The following PARP11 variants were observed in gnomAD, a reference collection of about 807,000 sequenced individuals.
The protein encoded by PARP11 is poly(ADP-ribose) polymerase family member 11.
A neutral mutation model predicts 42.9 loss-of-function variants in PARP11; 31 were observed. That is an observed-to-expected ratio of 0.72 (90% confidence interval 0.54 to 0.98). The LOEUF is 0.98. PARP11 is among the 50% of genes least tolerant of loss of function. The pLI, the probability that PARP11 is intolerant of heterozygous loss-of-function variation, is 0.00. For synonymous variants in PARP11, 137 were observed against 127.3 expected (o/e 1.08, Z -0.51); for missense variants, 365 against 413.1 (o/e 0.88, Z 1.01).
intron 3 of PARP11, among the ~76,000 whole-genome samples, chr12:3,828,036 A>AT (rs1947562373): frequency 6.6e-6 from 1 of 152,252 alleles, no homozygotes; most frequent in Non-Finnish European, 1.5e-5. Context: ...ACATGCCCAT[A>AT]TAACACAGAT....
chr12:3,819,847 T>C (rs1453753182), intron 6 of PARP11, among the ~76,000 whole-genome samples: 27 of 152,216 alleles, frequency 1.8e-4, no homozygotes, highest in Non-Finnish European at 2.9e-5. Flanking sequence ...CTCTGCCTCT[T>C]GATACCATTC....
intron 2 of PARP11, among the ~76,000 whole-genome samples, chr12:3,829,359 T>C (rs1947591676): frequency 6.6e-6 from 1 of 152,232 alleles, no homozygotes; most frequent in Non-Finnish European, 1.5e-5. Flanking sequence ...ATCTTCTTTA[T>C]ATAGTTTAGT....
chr12:3,822,141 C>G lies in PARP11; in HGVS notation c.361G>C (p.Glu121Gln). 1 of 1,613,560 alleles carries G rather than the reference C, an allele frequency of 6.2e-7. No individual in the cohort carries two copies. The highest frequency in any genetic ancestry group is 8.5e-7 in the Non-Finnish European group (1 of 1,179,598). Reference sequence around the variant, plus strand: ...CAGTGTGGTGGCATAGGGATGGCCTCGTTTTCACAGATGTAACTTGAAACA... The same window carrying G: ...CAGTGTGGTGGCATAGGGATGGCCTGGTTTTCACAGATGTAACTTGAAACA... ...ISAFSYICEN[E>Q]AIPMPPHWEN... The change falls in exon 5 of 8, where the codon GAG (glutamate) becomes CAG (glutamine). Residue 121 changes from glutamate to glutamine, a missense_variant. Transcript: ENST00000228820.
chr12:3,844,742 T>A (rs2138080727), intron 1 of PARP11, among the ~76,000 whole-genome samples: 1 of 152,334 alleles, frequency 6.6e-6, no homozygotes, highest in South Asian at 2.1e-4. Flanking sequence ...TGAAAGAGAA[T>A]TTTAGCAGAT....
rs1256132624 is a variant in PARP11 at position 3,809,965 on chromosome 12, T to A, written c.*2158A>T. The A allele has an allele frequency of 2.0e-5, 3 of 152,238 alleles. No homozygotes were observed. The highest frequency in any genetic ancestry group is 7.2e-5 in the African/African-American group (3 of 41,470). 9.4% of individuals were successfully genotyped at this position (152,238 alleles called of 1,614,324 possible). A position where few individuals can be genotyped will look rare whatever the true frequency, so the allele number is the denominator to read the frequency against. Reference sequence around the variant, plus strand: ...TTGTTTCAAAGTATTGTACATGCAATGTCCTGGGTACTACTTACCTCCCAC... The same window carrying A: ...TTGTTTCAAAGTATTGTACATGCAAAGTCCTGGGTACTACTTACCTCCCAC... On this transcript the variant is annotated 3_prime_UTR_variant, in exon 8 of 8. Transcript: ENST00000228820.
At chr12:3,828,126 C>T (rs1043080277) in intron 3 of PARP11, among the ~76,000 whole-genome samples, 6 of 152,138 alleles carry the variant, frequency 3.9e-5, no homozygotes, top group Non-Finnish European at 7.4e-5. Flanking sequence ...TGACAGAAGG[C>T]AATGTCCATT....
chr12:3,829,990 A>C lies in PARP11; in HGVS notation c.47T>G (p.Phe16Cys). 1 of 1,613,892 alleles carries C rather than the reference A, an allele frequency of 6.2e-7. No homozygotes were observed. The highest frequency in any genetic ancestry group is 2.2e-5 in the East Asian group (1 of 44,874). The stretch of plus-strand genomic sequence containing the variant: ...CACTTCATTGTTTGTTGTTTTAGAA[A>C]ATAATTCTTCTGCTTTGTGAAACAT... ...PEMFHKAEEL[F>C]SKTTNNEVDD... Residue 16 changes from phenylalanine to cysteine, a missense_variant, in exon 2 of 8, where the codon TTT becomes TGT. Phe to Cys is a radical substitution (Grantham distance 205). Coordinates refer to ENST00000228820, the MANE Select transcript of PARP11 (RefSeq NM_020367.6).
chr12:3,869,406 A>G (rs1948438823), intron 1 of PARP11, among the ~76,000 whole-genome samples: 1 of 152,212 alleles, frequency 6.6e-6, no homozygotes, highest in African/African-American at 2.4e-5. Context: ...CACTCCTCTA[A>G]GGATAAAGTT....
At chr12:3,860,673 TTTTAGA>T (rs954995311) in intron 1 of PARP11, among the ~76,000 whole-genome samples, 1 of 152,190 alleles carries the variant, frequency 6.6e-6, no homozygotes, top group African/African-American at 2.4e-5. Flanking sequence ...TTTTTAATTT[TTTTAGA>T]GACAGGGTCT....
intron 1 of PARP11, among the ~76,000 whole-genome samples, chr12:3,864,763 A>G (rs1368142195): frequency 6.6e-6 from 1 of 152,066 alleles, no homozygotes; most frequent in Non-Finnish European, 1.5e-5. Flanking sequence ...TACCTCTCTC[A>G]TTCTTAATAT....
At chr12:3,839,551 G>A (rs781727990) in intron 1 of PARP11, 65 of 1,540,034 alleles carry the variant, frequency 4.2e-5, no homozygotes, top group Non-Finnish European at 5.7e-5. Flanking sequence ...AGCGATTATA[G>A]GAGGATCATT....
intron 7 of PARP11, among the ~76,000 whole-genome samples, chr12:3,813,612 A>G (rs1234884057): frequency 6.6e-6 from 1 of 152,226 alleles, no homozygotes; most frequent in Non-Finnish European, 1.5e-5. Context: ...ATTAATTTAC[A>G]TTTTCAAAAT....
intron 1 of PARP11, among the ~76,000 whole-genome samples, chr12:3,842,860 A>G (rs397840476): frequency 6.6e-6 from 1 of 152,232 alleles, no homozygotes; most frequent in African/African-American, 2.4e-5. Context: ...TCTGATTTCA[A>G]ATGTTGGAAA....
At position 3,840,716 on chromosome 12, in the gene PARP11, G is replaced by A; in HGVS notation, c.19-10698C>T. On this transcript the variant is annotated intron_variant, in intron 1 of 7. Coordinates refer to ENST00000228820, the MANE Select transcript of PARP11 (RefSeq NM_020367.6). This position sits in a 1 kb window ranked among gnomAD's most constrained non-coding sequence, Gnocchi z 4.4. ...GAGAATGGATACAGAAGAACGAAAA[G>A]ACAAAGACTCTATTCATGGACATAG... 3 of 1,284,794 alleles carry A rather than the reference G, an allele frequency of 2.3e-6. No individual in the cohort carries two copies. The highest frequency in any genetic ancestry group is 2.3e-6 in the Non-Finnish European group (2 of 879,502). 79.6% of individuals were successfully genotyped at this position (1,284,794 alleles called of 1,614,324 possible).
Position 3,842,488 on chromosome 12 carries a change from G to A in PARP11, c.19-12470C>T. On this transcript the variant is annotated intron_variant, in intron 1 of 7. Transcript: ENST00000228820. ...GGGAGATAGGAGGAGATCAGGGATGGGAGATGGCCATAGGGGACAGCACGC... is the reference window on the plus strand; with the variant it reads ...GGGAGATAGGAGGAGATCAGGGATGAGAGATGGCCATAGGGGACAGCACGC... 4 of 1,604,456 alleles carry A rather than the reference G, an allele frequency of 2.5e-6. No individual in the cohort carries two copies. The South Asian group carries it at 4.4e-5, about 18-fold the overall frequency.
chr12:3,843,996 C>T (rs967774914), intron 1 of PARP11, among the ~76,000 whole-genome samples: 8 of 152,154 alleles, frequency 5.3e-5, no homozygotes, highest in African/African-American at 1.9e-4. Flanking sequence ...ATACAATTCA[C>T]TTGAATTTGA....
intron 1 of PARP11, among the ~76,000 whole-genome samples, chr12:3,851,203 C>G (rs1187905454): frequency 6.6e-6 from 1 of 152,182 alleles, no homozygotes; most frequent in African/African-American, 2.4e-5. Context: ...ACACAGAAGA[C>G]AGGTGATTTC....
At chr12:3,835,758 C>A (rs1349142210) in intron 1 of PARP11, among the ~76,000 whole-genome samples, 1 of 151,918 alleles carries the variant, frequency 6.6e-6, no homozygotes, top group Non-Finnish European at 1.5e-5. Context: ...ATGAAACACT[C>A]TAGAAAGGCT....
At chr12:3,848,331 A>C (rs1948037238) in intron 1 of PARP11, among the ~76,000 whole-genome samples, 1 of 152,186 alleles carries the variant, frequency 6.6e-6, no homozygotes, top group Non-Finnish European at 1.5e-5. Flanking sequence ...ATATAGAACC[A>C]CAAAAGACCC....
Sources: gnomAD v4.1 joint callset for allele counts (sites outside exome capture counted in the v4.1 genomes callset) on GRCh38, gnomAD v4.1.1 for gene constraint, Gnocchi (gnomAD v3.1) non-coding constraint, MANE v1.5 for transcripts, NCBI Gene and HGNC (gene_info 2026-07-23, HGNC 2026-07-21) for gene names.